PCDHA4: variants seen among roughly 807,000 people sequenced by gnomAD.
PCDHA4 encodes the protein protocadherin alpha-4.
In PCDHA4, 49 loss-of-function variants were observed where a neutral mutation model predicts 61.4. The ratio of observed to expected loss-of-function variants is 0.80; its 90% CI spans 0.63 to 1.01. The LOEUF (loss-of-function observed/expected upper bound fraction) is 1.01. Ranked by LOEUF, PCDHA4 falls within the 50% of genes least tolerant of loss-of-function variation. The probability of loss-of-function intolerance (pLI) is 0.00; values close to 1 mark genes in which losing one functional copy is unlikely to be tolerated. For missense variants in PCDHA4, 1,254 were observed against 1,235.8 expected (o/e 1.01, Z -0.22); for synonymous variants, 590 against 550.3 (o/e 1.07, Z -1.01).
intron 1 of PCDHA4, chr5:140,841,763 C>G: frequency 6.2e-7 from 1 of 1,613,884 alleles, no homozygotes; most frequent in South Asian, 1.1e-5. Context: ...ATCCAGAATG[C>G]CAGACTCTCG....
chr5:140,859,194 A>G (rs1412348145), intron 1 of PCDHA4: 1 of 149,838 alleles, frequency 6.7e-6, no homozygotes, highest in African/African-American at 2.4e-5. Context: ...ATTGCTTATG[A>G]TATTCAGGTA....
chr5:140,929,033 G>A (rs2085746479), intron 1 of PCDHA4: 1 of 1,614,186 alleles, frequency 6.2e-7, no homozygotes, highest in Non-Finnish European at 8.5e-7. Flanking sequence ...CCAGGCTGTT[G>A]CGCTCAGAGC....
At chr5:140,830,050 C>A (rs1770777643) in intron 1 of PCDHA4, 1 of 1,613,786 alleles carries the variant, frequency 6.2e-7, no homozygotes, top group Non-Finnish European at 8.5e-7. Flanking sequence ...TGGTGAAAGA[C>A]CACGGTGAGC....
At position 140,848,667 on chromosome 5, in the gene PCDHA4, G is replaced by C; in HGVS notation, c.2385+39095G>C. 6.3e-7 allele frequency: 1 copy of C among 1,592,344 alleles called. No homozygotes were observed. On this transcript the variant is annotated intron_variant, in intron 1 of 3. Transcript: ENST00000530339. ...GCAGGACCTGGGGCTGGAGCTGGCG[G>C]AGCTGGTGCCGCGCCTGTTCCAGTT...
At chr5:140,893,434 C>G (rs1554185617) in intron 1 of PCDHA4, among the ~76,000 whole-genome samples, 1 of 152,042 alleles carries the variant, frequency 6.6e-6, no homozygotes, top group African/African-American at 2.4e-5. Context: ...AGGAAGATCG[C>G]TTGAAGCCAG....
chr5:140,962,595 A>G (rs1307695991), intron 1 of PCDHA4, among the ~76,000 whole-genome samples: 1 of 152,192 alleles, frequency 6.6e-6, no homozygotes, highest in Non-Finnish European at 1.5e-5. Flanking sequence ...TTTGACTGAT[A>G]TATTTCTTCT....
chr5:140,905,957 G>A (rs993962295), intron 1 of PCDHA4, among the ~76,000 whole-genome samples: 1 of 152,200 alleles, frequency 6.6e-6, no homozygotes, highest in South Asian at 2.1e-4. Context: ...CGATGTTCAA[G>A]GGGAGGAAGA....
intron 1 of PCDHA4, chr5:140,856,146 C>T: frequency 6.3e-7 from 1 of 1,598,308 alleles, no homozygotes; most frequent in Middle Eastern, 1.7e-4. Flanking sequence ...CTCCACTACT[C>T]AGTCTACGAG....
At chr5:140,937,328 C>T (rs191377007) in intron 1 of PCDHA4, among the ~76,000 whole-genome samples, 9 of 152,066 alleles carry the variant, frequency 5.9e-5, no homozygotes, top group Admixed American at 5.2e-4. Context: ...TGAGCCACCG[C>T]GCCCGGCTTC....
At chr5:140,966,264 G>C (rs959228779) in intron 1 of PCDHA4, 3 of 347,414 alleles carry the variant, frequency 8.6e-6, no homozygotes, top group Non-Finnish European at 1.5e-5. Flanking sequence ...GTGGAGACTG[G>C]ATGAACTGGA....
At chr5:140,946,871 A>G (rs952595827) in intron 1 of PCDHA4, among the ~76,000 whole-genome samples, 8 of 151,442 alleles carry the variant, frequency 5.3e-5, no homozygotes, top group Non-Finnish European at 8.9e-5. Flanking sequence ...AGGTTGGTCA[A>G]TGGGTACGAA....
At chr5:140,886,084 G>A (rs1554182347) in intron 1 of PCDHA4, among the ~76,000 whole-genome samples, 1 of 152,140 alleles carries the variant, frequency 6.6e-6, no homozygotes, top group Non-Finnish European at 1.5e-5. Context: ...CCACAACCTG[G>A]ATATTGACAT....
At chr5:140,853,678 A>G (rs2042828793) in intron 1 of PCDHA4, 4 of 988,418 alleles carry the variant, frequency 4.0e-6, no homozygotes, top group Non-Finnish European at 3.7e-6. Flanking sequence ...CCTATGGTCA[A>G]CCTATCCTTA....
intron 1 of PCDHA4, among the ~76,000 whole-genome samples, chr5:140,934,332 T>C (rs1452316834): frequency 1.3e-5 from 2 of 152,140 alleles, no homozygotes; most frequent in Non-Finnish European, 2.9e-5. Flanking sequence ...ATGAATGTAA[T>C]AACCACCAGT....
chr5:140,889,824 C>A (rs1396428338), intron 1 of PCDHA4, among the ~76,000 whole-genome samples: 3 of 152,102 alleles, frequency 2.0e-5, no homozygotes, highest in African/African-American at 4.8e-5. Context: ...CATAAGAAGT[C>A]TTACAGTATG....
At chr5:140,843,862 A>C in intron 1 of PCDHA4, 1 of 894,130 alleles carries the variant, frequency 1.1e-6, no homozygotes. Flanking sequence ...TAATTAATTG[A>C]ATTTTCTCAG....
chr5:140,856,028 G>T, intron 1 of PCDHA4: 1 of 1,560,948 alleles, frequency 6.4e-7, no homozygotes, highest in East Asian at 2.3e-5. Flanking sequence ...TCGTCGATTT[G>T]TAAAACAAGA....
At chr5:141,007,869 T>C (rs2098349373) in intron 3 of PCDHA4, among the ~76,000 whole-genome samples, 1 of 152,262 alleles carries the variant, frequency 6.6e-6, no homozygotes, top group African/African-American at 2.4e-5. Flanking sequence ...TCTTTTCCTT[T>C]GTCTTACACT....
chr5:140,808,808 G>C lies in PCDHA4; in HGVS notation c.1621G>C (p.Gly541Arg). The change falls in exon 1 of 4, where the codon GGC (glycine) becomes CGC (arginine). Residue 541 changes from glycine to arginine, a missense_variant. Transcript: ENST00000530339. ...LQFQVTARDA[G>R]VPPLGSNVTL... is the part of the protein sequence containing the mutation. ...GTTTCAGGTGACCGCTCGCGATGCC[G>C]GCGTGCCACCTCTGGGCAGCAACGT... The C allele has an allele frequency of 1.2e-6, 2 of 1,612,754 alleles. No individual in the cohort carries two copies.
Sources: allele counts gnomAD v4.1 joint callset (sites outside exome capture counted in the v4.1 genomes callset), GRCh38; gene constraint gnomAD v4.1.1; transcripts MANE v1.5; gene names NCBI Gene and HGNC (gene_info 2026-07-23, HGNC 2026-07-21).